The following MSI2 variants were observed in gnomAD, a reference collection of about 807,000 sequenced individuals.
MSI2 encodes the protein musashi RNA binding protein 2.
MSI2 carries 17 observed loss-of-function variants against 45.6 expected under a neutral mutation model. The ratio of observed to expected loss-of-function variants is 0.37; its 90% CI spans 0.26 to 0.56. The LOEUF (loss-of-function observed/expected upper bound fraction) is 0.56, where lower values mean the gene tolerates loss of function less well. Among genes scored for constraint, MSI2 ranks in the 20% least tolerant of loss-of-function variants. MSI2 has a pLI of 0.77. For synonymous variants in MSI2, 156 were observed against 158.2 expected (o/e 0.99, Z 0.11); for missense variants, 293 against 444.2 (o/e 0.66, Z 3.06).
rs1332193761 is a variant in MSI2 at position 57,529,225 on chromosome 17, C to T, written c.406-451C>T. 6.6e-6 allele frequency among the ~76,000 whole-genome samples: 1 copy of T among 151,996 alleles called. No individual in the cohort carries two copies. The highest frequency in any genetic ancestry group is 1.5e-5 in the Non-Finnish European group (1 of 68,006). On this transcript the variant is annotated intron_variant, in intron 6 of 13. Coordinates refer to ENST00000284073, the MANE Select transcript of MSI2 (RefSeq NM_138962.4). This position sits in a 1 kb window ranked among gnomAD's most constrained non-coding sequence, Gnocchi z 5.3. ...CTGCTGCAGGAGGATCACTTGAGCC[C>T]AGGAGTTCAAGACCAGTCTGAGCAA...
chr17:57,466,433 G>A (rs2085331894), intron 6 of MSI2, among the ~76,000 whole-genome samples: 1 of 152,198 alleles, frequency 6.6e-6, no homozygotes, highest in African/African-American at 2.4e-5. Flanking sequence ...TGTTGCCCAA[G>A]ACTGTGCGAT....
At chr17:57,700,432 G>A in the MSI2 span, among the ~76,000 whole-genome samples, 2 of 152,202 alleles carry the variant, frequency 1.3e-5, no homozygotes, top group Non-Finnish European at 1.5e-5. Flanking sequence ...TATTGAAGAA[G>A]CATAAAAGTG....
chr17:57,388,768 C>T (rs1256161990), intron 5 of MSI2, among the ~76,000 whole-genome samples: 2 of 151,940 alleles, frequency 1.3e-5, no homozygotes, highest in East Asian at 1.9e-4. Flanking sequence ...ATTCTCATGC[C>T]TCAGCCTCCC....
chr17:57,315,710 C>T (rs983172038), intron 5 of MSI2, among the ~76,000 whole-genome samples: 4 of 152,058 alleles, frequency 2.6e-5, no homozygotes, highest in East Asian at 1.9e-4. Flanking sequence ...AGTTTAGCGG[C>T]GAGACTTGGA....
chr17:57,359,700 CG>C (rs1252496623), intron 5 of MSI2, among the ~76,000 whole-genome samples: 2 of 152,234 alleles, frequency 1.3e-5, no homozygotes, highest in African/African-American at 2.4e-5. Flanking sequence ...GCTTCCCTTT[CG>C]GAAATCCCAA....
At chr17:57,379,302 C>T (rs928827775) in intron 5 of MSI2, among the ~76,000 whole-genome samples, 2 of 152,196 alleles carry the variant, frequency 1.3e-5, no homozygotes, top group South Asian at 4.1e-4. Context: ...TTCTCTGAGT[C>T]AGGGTTGAGT....
In MSI2 at chr17:57,371,977, T is replaced by A. The variant is rs142435248; in HGVS notation, c.313-29402T>A. Among the ~76,000 whole-genome samples the A allele has an allele frequency of 5.3e-5, 8 of 151,638 alleles. No individual in the cohort carries two copies. The East Asian group carries it at 7.7e-4, about 15-fold the overall frequency. On this transcript the variant is annotated intron_variant, in intron 5 of 13. Transcript: ENST00000284073. ...TATACTTATATATAATCTCTTAAAATTTTTTTTATCTTACATTGGCCCTCC... is the reference window on the plus strand; with the variant it reads ...TATACTTATATATAATCTCTTAAAAATTTTTTTATCTTACATTGGCCCTCC...
At chr17:57,272,260 C>G (rs1176586241) in intron 5 of MSI2, among the ~76,000 whole-genome samples, 8 of 152,166 alleles carry the variant, frequency 5.3e-5, no homozygotes, top group African/African-American at 1.9e-4. Flanking sequence ...GAGTTTTGTC[C>G]TTTATTCCCA....
At chr17:57,655,885 A>G (rs1911554004) in intron 11 of MSI2, among the ~76,000 whole-genome samples, 1 of 152,064 alleles carries the variant, frequency 6.6e-6, no homozygotes, top group Non-Finnish European at 1.5e-5. Flanking sequence ...TTTTTTGTAC[A>G]CTTTCGTTTT....
At chr17:57,483,288 A>C (rs562951852) in intron 6 of MSI2, among the ~76,000 whole-genome samples, 4 of 152,272 alleles carry the variant, frequency 2.6e-5, no homozygotes, top group South Asian at 4.2e-4. Context: ...AAAAGAAAAC[A>C]TGCTAGTTGT....
chr17:57,424,850 T>C (rs969605281), intron 6 of MSI2, among the ~76,000 whole-genome samples: 1 of 152,088 alleles, frequency 6.6e-6, no homozygotes, highest in Non-Finnish European at 1.5e-5. Context: ...ATGAGGTGGC[T>C]TAGAACCAAG....
At chr17:57,629,581 T>C (rs1343605647) in intron 10 of MSI2, 1 of 152,324 alleles carries the variant, frequency 6.6e-6, no homozygotes, top group Non-Finnish European at 1.5e-5. Flanking sequence ...TCTTACGGGC[T>C]GGTGCTGTTC....
intron 5 of MSI2, among the ~76,000 whole-genome samples, chr17:57,301,810 A>G (rs992792064): frequency 1.3e-5 from 2 of 151,112 alleles, no homozygotes; most frequent in Admixed American, 6.6e-5. Context: ...ATATTCTTGT[A>G]TATATCTTCT....
At chr17:57,353,531 C>T (rs576177029) in intron 5 of MSI2, among the ~76,000 whole-genome samples, 8 of 152,252 alleles carry the variant, frequency 5.3e-5, no homozygotes, top group East Asian at 1.9e-4. Flanking sequence ...TAAGGGAAAT[C>T]GTAGACTCTT....
intron 5 of MSI2, among the ~76,000 whole-genome samples, chr17:57,400,767 C>T (rs997510451): frequency 1.3e-5 from 2 of 151,964 alleles, no homozygotes; most frequent in East Asian, 1.9e-4. Context: ...CCTGCAGGAA[C>T]GAAAGTGTAG....
chr17:57,447,766 A>G (rs1290077952), intron 6 of MSI2, among the ~76,000 whole-genome samples: 2 of 152,114 alleles, frequency 1.3e-5, no homozygotes, highest in African/African-American at 2.4e-5. Context: ...GGCTTCTGGA[A>G]TGACACGTTT....
At chr17:57,291,872 G>A (rs1910451984) in intron 5 of MSI2, among the ~76,000 whole-genome samples, 1 of 152,070 alleles carries the variant, frequency 6.6e-6, no homozygotes, top group Non-Finnish European at 1.5e-5. Context: ...GAATGTGCCC[G>A]ATCTCATCTG....
At chr17:57,367,687 C>G (rs963123087) in intron 5 of MSI2, among the ~76,000 whole-genome samples, 3 of 152,166 alleles carry the variant, frequency 2.0e-5, no homozygotes, top group Non-Finnish European at 2.9e-5. Flanking sequence ...TGCAAGGTAC[C>G]CTTAATTCTC....
intron 6 of MSI2, among the ~76,000 whole-genome samples, chr17:57,457,860 G>T (rs1213080718): frequency 6.6e-6 from 1 of 152,166 alleles, no homozygotes; most frequent in East Asian, 1.9e-4. Context: ...AGTGAGTTAT[G>T]ATTGGGCTCC....
Sources: gnomAD v4.1 joint callset for allele counts (sites outside exome capture counted in the v4.1 genomes callset) on GRCh38, gnomAD v4.1.1 for gene constraint, Gnocchi (gnomAD v3.1) non-coding constraint, MANE v1.5 for transcripts, NCBI Gene and HGNC (gene_info 2026-07-23, HGNC 2026-07-21) for gene names.